CPXM2: variants seen among roughly 807,000 people sequenced by gnomAD.
The protein encoded by CPXM2 is carboxypeptidase X, M14 family member 2, also known as inactive carboxypeptidase-like protein X2.
A neutral mutation model predicts 86.1 loss-of-function variants in CPXM2; 66 were observed. That is an observed-to-expected ratio of 0.77 (90% CI 0.63 to 0.94). The LOEUF is 0.94. CPXM2 is among the 40% of genes least tolerant of loss of function. The pLI is 0.00. For missense variants in CPXM2, 948 were observed against 1,026.3 expected (o/e 0.92, Z 1.04); for synonymous variants, 388 against 400.2 (o/e 0.97, Z 0.36).
intron 1 of CPXM2, among the ~76,000 whole-genome samples, chr10:123,884,928 C>T (rs1007029531): frequency 3.3e-5 from 5 of 152,254 alleles, no homozygotes; most frequent in African/African-American, 4.8e-5. Context: ...CAGCAGCCAC[C>T]TTTCTGACTT....
chr10:123,937,082 A>T (rs1318408178), intron 2 of CPXM2, among the ~76,000 whole-genome samples: 1 of 152,186 alleles, frequency 6.6e-6, no homozygotes, highest in Non-Finnish European at 1.5e-5. Context: ...TTCTAAACAC[A>T]CAGCAATTCC....
intron 2 of CPXM2, among the ~76,000 whole-genome samples, chr10:123,902,313 A>G (rs904187403): frequency 2.0e-5 from 3 of 152,206 alleles, no homozygotes; most frequent in Non-Finnish European, 4.4e-5. Flanking sequence ...GAAAGCCTAG[A>G]GCAGGCTGAC....
intron 2 of CPXM2, among the ~76,000 whole-genome samples, chr10:123,898,257 T>C (rs553835916): frequency 6.6e-6 from 1 of 152,130 alleles, no homozygotes; most frequent in East Asian, 1.9e-4. Context: ...ACCAATAATA[T>C]TAAATCAATT....
At chr10:123,773,437 G>A (rs1161854109) in intron 7 of CPXM2, among the ~76,000 whole-genome samples, 1 of 152,220 alleles carries the variant, frequency 6.6e-6, no homozygotes, top group East Asian at 1.9e-4. Flanking sequence ...CCTCTGTGGT[G>A]GTGATTACTT....
chr10:123,819,817 T>A (rs1269392406), intron 4 of CPXM2, among the ~76,000 whole-genome samples: 1 of 152,174 alleles, frequency 6.6e-6, no homozygotes, highest in Non-Finnish European at 1.5e-5. Flanking sequence ...ATATTGAGTG[T>A]CAACTTGATT....
intron 4 of CPXM2, among the ~76,000 whole-genome samples, chr10:123,801,372 A>G (rs944292322): frequency 5.9e-5 from 9 of 152,102 alleles, no homozygotes; most frequent in Non-Finnish European, 1.3e-4. Flanking sequence ...CTGTGAGTCC[A>G]TTAAATCTCC....
intron 2 of CPXM2, among the ~76,000 whole-genome samples, chr10:123,907,749 G>A (rs72829711): frequency 0.14 from 20,798 of 150,458 alleles, 1,718 homozygotes; most frequent in East Asian, 0.2. Flanking sequence ...CCAAGAAAGG[G>A]ACTGGACCCC....
At chr10:123,750,112 C>T (rs1846043245) in intron 13 of CPXM2, 2 of 984,934 alleles carry the variant, frequency 2.0e-6, no homozygotes, top group African/African-American at 3.5e-5. Context: ...AGCCACCATG[C>T]CAGTTCTAGA....
chr10:123,796,113 G>C (rs992226293), intron 6 of CPXM2, among the ~76,000 whole-genome samples: 1 of 152,198 alleles, frequency 6.6e-6, no homozygotes, highest in Admixed American at 6.5e-5. Flanking sequence ...CAGGATGCCG[G>C]GACCAGTCCT....
chr10:123,935,352 T>C (rs1169104500), intron 2 of CPXM2, among the ~76,000 whole-genome samples: 1 of 152,058 alleles, frequency 6.6e-6, no homozygotes, highest in Non-Finnish European at 1.5e-5. Context: ...GGTGCCCACT[T>C]AGTGGCTGGG....
Position 123,862,699 on chromosome 10 carries a change from G to A in CPXM2, c.428C>T (p.Thr143Ile). The change falls in exon 3 of 14, where the codon ACC becomes ATC. Residue 143 changes from threonine (T) to isoleucine (I), a missense_variant. Coordinates refer to ENST00000241305, the MANE Select transcript of CPXM2 (RefSeq NM_198148.3). ...RESCPPLGLE[T>I]LKITDFQLHA... ...GAGCTGGAAGTCTGTGATTTTTAAG[G>A]TTTCCAGACCAAGAGGTGGGCAACC... 1 of 1,608,440 alleles carries A rather than the reference G, an allele frequency of 6.2e-7. No individual in the cohort carries two copies.
At chr10:123,912,193 C>G (rs1026101789) in intron 2 of CPXM2, among the ~76,000 whole-genome samples, 27 of 151,868 alleles carry the variant, frequency 1.8e-4, no homozygotes, top group Non-Finnish European at 3.7e-4. Flanking sequence ...CTTTCCCTGG[C>G]AGCGCCTGTG....
chr10:123,880,344 A>G, intron 1 of CPXM2, 35 bp from the exon 2 acceptor site: 1 of 912,960 alleles, frequency 1.1e-6, no homozygotes, highest in Non-Finnish European at 1.8e-6. Flanking sequence ...TTACTTTCAC[A>G]TACATCAGAG....
chr10:123,769,390 C>A (rs1053417746), intron 8 of CPXM2: 5 of 152,268 alleles, frequency 3.3e-5, no homozygotes, highest in Admixed American at 2.0e-4. Context: ...GCCTGGGCAA[C>A]ATGGCAAAAC....
At chr10:123,835,180 T>G (rs568048892) in intron 4 of CPXM2, among the ~76,000 whole-genome samples, 45 of 152,198 alleles carry the variant, frequency 3.0e-4, no homozygotes, top group Admixed American at 7.2e-4. Context: ...CAAGGGGGCC[T>G]CCCCATGAAA....
chr10:123,904,184 C>T (rs534584319), intron 2 of CPXM2, among the ~76,000 whole-genome samples: 26 of 152,334 alleles, frequency 1.7e-4, no homozygotes, highest in Middle Eastern at 3.4e-3. Flanking sequence ...TCGGAGACCC[C>T]TTTCTGGAAA....
rs78479444 is a variant in CPXM2, at chr10:123,913,477, G to A, written n.174+26000C>T. ...TTATTGCATAAGTGTGTTTATGTGC[G>A]TAGGTGTGTATGTGCATACATCTGA... On this transcript the variant is annotated intron_variant and non_coding_transcript_variant, in intron 2 of 19. Coordinates refer to the CPXM2 transcript ENST00000368854. 5.9e-3 allele frequency: 905 copies of A among 154,570 alleles called. 6 individuals carry two copies. The highest frequency in any genetic ancestry group is 8.9e-3 in the Non-Finnish European group (619 of 69,316). 9.6% of individuals were successfully genotyped at this position (154,570 alleles called of 1,614,324 possible). A position where few individuals can be genotyped will look rare whatever the true frequency, so the allele number is the denominator to read the frequency against.
At chr10:123,905,889 C>T (rs917203820) in intron 2 of CPXM2, among the ~76,000 whole-genome samples, 1 of 152,162 alleles carries the variant, frequency 6.6e-6, no homozygotes, top group Non-Finnish European at 1.5e-5. Flanking sequence ...CGCTCAAGCC[C>T]TGTGGTTTTT....
At chr10:123,919,719 G>A (rs889026890) in intron 2 of CPXM2, among the ~76,000 whole-genome samples, 23 of 152,194 alleles carry the variant, frequency 1.5e-4, no homozygotes, top group African/African-American at 5.5e-4. Context: ...TGCAATAAAG[G>A]AAATACCTGG....
Sources: gnomAD v4.1 joint callset for allele counts (sites outside exome capture counted in the v4.1 genomes callset) on GRCh38, gnomAD v4.1.1 for gene constraint, MANE v1.5 for transcripts, NCBI Gene and HGNC (gene_info 2026-07-23, HGNC 2026-07-21) for gene names.